The following PSD3 variants were observed in gnomAD, a reference collection of about 807,000 sequenced individuals.
PSD3 encodes the protein PH and SEC7 domain-containing protein 3.
Under a neutral mutation model 105.5 loss-of-function variants are expected in PSD3, and 49 were observed. The ratio of observed to expected loss-of-function variants is 0.46; its 90% confidence interval spans 0.37 to 0.59. The LOEUF (loss-of-function observed/expected upper bound fraction) is 0.59, where lower values mean the gene tolerates loss of function less well. PSD3 is among the 20% of genes least tolerant of loss of function. PSD3 has a pLI of 0.00. For synonymous variants in PSD3, 557 were observed against 457.8 expected, an observed-to-expected ratio of 1.22 and a Z score of -2.77; for missense variants, 1,561 against 1,263.8, an observed-to-expected ratio of 1.24 and a Z score of -3.57.
chr8:18,796,156 G>T (rs1686256430), intron 8 of PSD3, among the ~76,000 whole-genome samples: 1 of 133,040 alleles, frequency 7.5e-6, no homozygotes, highest in Admixed American at 7.4e-5. Context: ...TTAAAAGCAG[G>T]TACTGAATTC....
At chr8:18,760,911 C>T (rs1017302578) in intron 9 of PSD3, among the ~76,000 whole-genome samples, 1 of 151,990 alleles carries the variant, frequency 6.6e-6, no homozygotes, top group Non-Finnish European at 1.5e-5. Flanking sequence ...CTCTAGCAAC[C>T]CTTGTCTCCC....
chr8:18,583,111 C>A (rs1236803358), intron 12 of PSD3, among the ~76,000 whole-genome samples: 1 of 152,112 alleles, frequency 6.6e-6, no homozygotes, highest in Non-Finnish European at 1.5e-5. Context: ...CAGGCGTGAG[C>A]CACCGCATCT....
At position 19,050,179 on chromosome 8, in the gene PSD3, A is replaced by G. The variant is rs541854496; in HGVS notation, c.324+34027T>C. ...CTGCAATTTGCAAATTAGAAAAAAG[A>G]AAGTGTTCTAATTAAAATGACTCTG... is the stretch of plus-strand genomic sequence containing the variant. On this transcript the variant is annotated intron_variant, in intron 1 of 1. Transcript: ENST00000521475. Among the ~76,000 whole-genome samples the G allele has an allele frequency of 1.2e-4, 18 of 152,340 alleles. 1 individual carries two copies. The highest frequency in any genetic ancestry group is 4.1e-4 in the South Asian group (2 of 4,822).
chr8:18,602,766 G>C (rs1804528877), intron 11 of PSD3, among the ~76,000 whole-genome samples: 1 of 152,118 alleles, frequency 6.6e-6, no homozygotes, highest in Non-Finnish European at 1.5e-5. Context: ...AGGTGCAACT[G>C]CTCTGATTTG....
chr8:18,652,493 GT>G (rs67555804), intron 10 of PSD3, among the ~76,000 whole-genome samples: 70 of 92,602 alleles, frequency 7.6e-4, no homozygotes, highest in Middle Eastern at 0.01. Context: ...AAAAAGCTTA[GT>G]TTTTTTTTTT....
chr8:18,958,953 T>C (rs985694724), intron 1 of PSD3, among the ~76,000 whole-genome samples: 3 of 151,610 alleles, frequency 2.0e-5, no homozygotes, highest in Admixed American at 6.6e-5. Flanking sequence ...CGGAGTCTTG[T>C]TCTGTTGCCC....
At chr8:18,715,446 T>G (rs756582021) in intron 9 of PSD3, among the ~76,000 whole-genome samples, 2 of 152,342 alleles carry the variant, frequency 1.3e-5, no homozygotes, top group Admixed American at 1.3e-4. Flanking sequence ...TATTTTGCTA[T>G]TCCTTGAATT....
At chr8:18,731,577 T>C (rs960928455) in intron 9 of PSD3, among the ~76,000 whole-genome samples, 4 of 152,100 alleles carry the variant, frequency 2.6e-5, no homozygotes, top group African/African-American at 9.7e-5. Flanking sequence ...GGAGAAACAA[T>C]AAATCTTTTA....
At chr8:18,574,494 C>A (rs1208689592) in intron 13 of PSD3, among the ~76,000 whole-genome samples, 1 of 152,202 alleles carries the variant, frequency 6.6e-6, no homozygotes, top group Non-Finnish European at 1.5e-5. Context: ...AAACCCCGGG[C>A]AACTTGTTTC....
At chr8:18,859,480 A>G (rs1816271166) in intron 4 of PSD3, among the ~76,000 whole-genome samples, 1 of 152,202 alleles carries the variant, frequency 6.6e-6, no homozygotes, top group Admixed American at 6.5e-5. Flanking sequence ...AAGCTTTAAG[A>G]AAAGGCGATG....
chr8:18,627,291 G>A (rs1806555687), intron 11 of PSD3, among the ~76,000 whole-genome samples: 1 of 152,000 alleles, frequency 6.6e-6, no homozygotes, highest in African/African-American at 2.4e-5. Flanking sequence ...GGAGTTTAGT[G>A]ATGCTGAGAG....
At chr8:18,775,143 A>C (rs987965995) in intron 8 of PSD3, among the ~76,000 whole-genome samples, 4 of 152,192 alleles carry the variant, frequency 2.6e-5, no homozygotes, top group Admixed American at 2.0e-4. Context: ...ACTTCACTTA[A>C]CATAATGACC....
At position 18,801,322 on chromosome 8, in the gene PSD3, T is replaced by C. The variant is rs1360168590; in HGVS notation, c.1971A>G (p.Ile657Met). The C allele has an allele frequency of 2.5e-6, 4 of 1,608,388 alleles. No homozygotes were observed. In the East Asian group the frequency reaches 6.7e-5, roughly 27 times the overall value. ...GETQERERVL[I>M]HFSNRYFYCN... ...AATAAAAATATCTATTGGAGAAGTG[T>C]ATTAAAACTCTCTCTCGTTCTTGAG... is the stretch of plus-strand genomic sequence containing the variant. The change falls in exon 7 of 16, where the codon ATA (isoleucine) becomes ATG (methionine). Residue 657 changes from isoleucine to methionine, a missense_variant. Coordinates refer to ENST00000327040, the MANE Select transcript of PSD3 (RefSeq NM_015310.4).
At chr8:19,010,624 A>G (rs1211859205) in intron 1 of PSD3, among the ~76,000 whole-genome samples, 4 of 152,176 alleles carry the variant, frequency 2.6e-5, no homozygotes, top group Admixed American at 6.5e-5. Context: ...AAGATGGTCA[A>G]CGTAACTCAG....
At chr8:18,584,121 A>G (rs1454877977) in intron 12 of PSD3, among the ~76,000 whole-genome samples, 3 of 152,192 alleles carry the variant, frequency 2.0e-5, no homozygotes, top group Admixed American at 6.5e-5. Context: ...AGAAAATCTC[A>G]AAGTTTATGT....
At chr8:18,696,122 G>A (rs1352487410) in intron 9 of PSD3, among the ~76,000 whole-genome samples, 1 of 152,196 alleles carries the variant, frequency 6.6e-6, no homozygotes, top group East Asian at 1.9e-4. Flanking sequence ...ATGTGTCAAT[G>A]CCTCTCTAGC....
At chr8:18,592,646 C>T (rs1314587026) in intron 12 of PSD3, among the ~76,000 whole-genome samples, 1 of 152,050 alleles carries the variant, frequency 6.6e-6, no homozygotes, top group African/African-American at 2.4e-5. Flanking sequence ...ATAAATGATC[C>T]AGGGCCAGAA....
At chr8:19,069,277 AT>A (rs2129477858) in intron 1 of PSD3, among the ~76,000 whole-genome samples, 1 of 152,296 alleles carries the variant, frequency 6.6e-6, no homozygotes, top group Non-Finnish European at 1.5e-5. Context: ...GGGCTGTGGG[AT>A]CCCCTGGCCT....
chr8:18,538,007 T>C (rs1404200619), intron 15 of PSD3, among the ~76,000 whole-genome samples: 1 of 152,272 alleles, frequency 6.6e-6, no homozygotes, highest in African/African-American at 2.4e-5. Flanking sequence ...CTCCTTAACA[T>C]GGACATGACT....
Sources: gnomAD v4.1 joint callset for allele counts (sites outside exome capture counted in the v4.1 genomes callset) on GRCh38, gnomAD v4.1.1 for gene constraint, MANE v1.5 for transcripts, NCBI Gene and HGNC (gene_info 2026-07-23, HGNC 2026-07-21) for gene names.